VPS13A: variants seen among roughly 807,000 people sequenced by gnomAD.
VPS13A encodes vacuolar protein sorting 13 homolog A.
A neutral mutation model predicts 390.9 loss-of-function variants in VPS13A; 264 were observed. The observed-to-expected ratio is 0.68, with a 90% confidence interval of 0.61 to 0.75. The LOEUF is 0.75. Ranked by LOEUF, VPS13A falls within the 30% of genes least tolerant of loss-of-function variation. The pLI, the probability that VPS13A is intolerant of heterozygous loss-of-function variation, is 0.00. For synonymous variants in VPS13A, 1,231 were observed against 1,227.1 expected (o/e 1.00, Z -0.07); for missense variants, 3,409 against 3,733.9 (o/e 0.91, Z 2.27).
chr9:77,371,907 T>C (rs1487447553), intron 67 of VPS13A, among the ~76,000 whole-genome samples: 1 of 141,944 alleles, frequency 7.0e-6, no homozygotes, highest in African/African-American at 2.6e-5. Flanking sequence ...CGGTGTTTGG[T>C]TTTTTGTTCT....
rs142355096 is a variant in VPS13A at position 77,342,056 on chromosome 9, T to C, written c.7026+1506T>C. ...AAGAGCCAGGGGTGGTCTCTAATTTTATGTAAGGTAGTTAGGATGGGACTC... is the reference window on the plus strand; with the variant it reads ...AAGAGCCAGGGGTGGTCTCTAATTTCATGTAAGGTAGTTAGGATGGGACTC... On this transcript the variant is annotated intron_variant, in intron 50 of 71. Transcript: ENST00000360280. Among the ~76,000 whole-genome samples, 875 of 152,192 alleles carry C rather than the reference T, an allele frequency of 5.7e-3. 12 individuals carry two copies. Among genetic ancestry groups the C allele is most frequent in the African/African-American group, 0.02 (845 of 41,528 alleles).
chr9:77,292,752 A>G (rs1827752741), intron 31 of VPS13A, among the ~76,000 whole-genome samples: 1 of 152,196 alleles, frequency 6.6e-6, no homozygotes. Flanking sequence ...TTAACATTTT[A>G]CATCTCCTGT....
At chr9:77,181,256 C>T (rs1036220386) in intron 1 of VPS13A, among the ~76,000 whole-genome samples, 1 of 152,002 alleles carries the variant, frequency 6.6e-6, no homozygotes, top group South Asian at 2.1e-4. Context: ...GGCATAGTGG[C>T]TCATGCCTGT....
At chr9:77,258,499 C>T (rs961547487) in intron 22 of VPS13A, among the ~76,000 whole-genome samples, 2 of 152,144 alleles carry the variant, frequency 1.3e-5, no homozygotes, top group African/African-American at 2.4e-5. Flanking sequence ...GGCCCTAAAT[C>T]TTACTCTCCT....
In VPS13A at chr9:77,276,090, T is replaced by C. The variant is rs78048112; in HGVS notation, c.2693T>C (p.Val898Ala). 0.027 allele frequency: 42,874 copies of C among 1,612,970 alleles called. 704 individuals are homozygous for C. The highest frequency in any genetic ancestry group is 0.031 in the Non-Finnish European group (36,308 of 1,179,732). The change falls in exon 26 of 72, where the codon GTT becomes GCT. Residue 898 changes from valine (V) to alanine (A), a missense_variant. By Grantham distance (64) the Val-to-Ala change is moderately conservative. Around this residue, in one of 5 missense-constraint regions of VPS13A, gnomAD observed 2,717 missense variants for 2,917.4 expected, o/e 0.93. Transcript: ENST00000360280. ...PKVLIEFYHLVGDCELSVVEI... is the reference protein window; with the variant it reads ...PKVLIEFYHLAGDCELSVVEI... The stretch of plus-strand genomic sequence containing the variant: ...GTTTTGATCGAGTTTTATCACCTTG[T>C]TGGAGATTGTGAACTATCTGTGGTA...
Position 77,214,503 on chromosome 9 carries a change from GTATT to G in VPS13A, c.754+121_754+124del, listed in dbSNP as rs1822743599. The G allele has an allele frequency of 4.1e-6, 3 of 734,306 alleles. No homozygotes were observed. In the African/African-American group the frequency reaches 5.4e-5, roughly 13 times the overall value. 45.5% of individuals were successfully genotyped at this position (734,306 alleles called of 1,614,324 possible). Reference sequence around the variant, plus strand: ...TAAATTTCCTTCTATATAGTTAAATGTATTTATAATGTATATACAAAAGCAAATA... The same window carrying G: ...TAAATTTCCTTCTATATAGTTAAATGTATAATGTATATACAAAAGCAAATA... On this transcript the variant is annotated intron_variant, in intron 10 of 71. Coordinates refer to ENST00000360280, the MANE Select transcript of VPS13A (RefSeq NM_033305.3).
At chr9:77,242,020 C>G (rs1420789773) in intron 19 of VPS13A, among the ~76,000 whole-genome samples, 4 of 152,010 alleles carry the variant, frequency 2.6e-5, no homozygotes, top group Non-Finnish European at 5.9e-5. Context: ...CTTCTGTTTC[C>G]TGTGTTCTGA....
intron 71 of VPS13A, among the ~76,000 whole-genome samples, chr9:77,413,400 C>T (rs552895283): frequency 3.9e-5 from 6 of 152,056 alleles, no homozygotes; most frequent in East Asian, 3.9e-4. Context: ...GAGATATAGA[C>T]CAATGGAACA....
chr9:77,357,939 A>G lies in VPS13A; in HGVS notation c.7953+101A>G, dbSNP rs147118841. 6.7e-4 allele frequency: 591 copies of G among 883,468 alleles called. 2 individuals are homozygous for G. In the African/African-American group the frequency reaches 7.1e-3, roughly 11 times the overall value. The allele number at this position is 883,468 out of a possible 1,614,324, so 54.7% of individuals were successfully genotyped here. A position where few individuals can be genotyped will look rare whatever the true frequency, so the allele number is the denominator to read the frequency against. On this transcript the variant is annotated intron_variant, in intron 56 of 71. Coordinates refer to ENST00000360280, the MANE Select transcript of VPS13A (RefSeq NM_033305.3). ...CTGCTTTATCTAGTATTCAGTTTCA[A>G]TGTTGTGCTAGCCTTTTTTTTTTTT...
intron 46 of VPS13A, 117 bp from the exon 47 acceptor site, chr9:77,337,138 A>T (rs1467353430): frequency 9.3e-7 from 1 of 1,078,688 alleles, no homozygotes; most frequent in East Asian, 2.6e-5. Context: ...ATGAAAATAT[A>T]AAAATGTACT....
At chr9:77,235,232 T>G (rs1160954064) in intron 17 of VPS13A, among the ~76,000 whole-genome samples, 1 of 152,218 alleles carries the variant, frequency 6.6e-6, no homozygotes, top group Non-Finnish European at 1.5e-5. Flanking sequence ...AGGGCAGGTC[T>G]ACTAATGACA....
rs547660683 is a variant in VPS13A at position 77,376,609 on chromosome 9, G to A, written c.9078-5367G>A. ...TTTATGTGTAGTACTGGAAGGGTGAGGTTGTCGTTCTTTTTAGGGAAAGGG... is the reference window on the plus strand; with the variant it reads ...TTTATGTGTAGTACTGGAAGGGTGAAGTTGTCGTTCTTTTTAGGGAAAGGG... On this transcript the variant is annotated intron_variant, in intron 67 of 71. Coordinates refer to ENST00000360280, the MANE Select transcript of VPS13A (RefSeq NM_033305.3). 1.3e-4 allele frequency among the ~76,000 whole-genome samples: 20 copies of A among 152,294 alleles called. 1 individual carries two copies. The highest frequency in any genetic ancestry group is 4.1e-4 in the African/African-American group (17 of 41,580).
chr9:77,260,013 C>T (rs1825666078), intron 22 of VPS13A, 73 bp from the exon 23 acceptor site: 1 of 985,578 alleles, frequency 1.0e-6, no homozygotes, highest in Non-Finnish European at 1.5e-6. Flanking sequence ...AATTTGAGAA[C>T]AGTCTTTTTA....
intron 68 of VPS13A, among the ~76,000 whole-genome samples, chr9:77,399,476 A>C (rs970868353): frequency 6.6e-6 from 1 of 152,158 alleles, no homozygotes; most frequent in Non-Finnish European, 1.5e-5. Flanking sequence ...CAAACTTAGC[A>C]TAATATGGAA....
chr9:77,209,350 T>C, intron 5 of VPS13A, 73 bp from the exon 6 acceptor site: 1 of 1,045,126 alleles, frequency 9.6e-7, no homozygotes, highest in Non-Finnish European at 1.5e-6. Context: ...CGTAAGCATG[T>C]TACTTCAGTA....
At position 77,210,662 on chromosome 9, in the gene VPS13A, A is replaced by G. The variant is rs1455181596; in HGVS notation, c.542A>G (p.Asn181Ser). 5.6e-6 allele frequency: 9 copies of G among 1,613,836 alleles called. No homozygotes were observed. The highest frequency in any genetic ancestry group is 1.7e-5 in the Admixed American group (1 of 60,014). The change falls in exon 7 of 72, where the codon AAT (asparagine) becomes AGT (serine). Residue 181 changes from asparagine to serine, a missense_variant. Asn to Ser is a conservative substitution (Grantham distance 46). Coordinates refer to ENST00000360280, the MANE Select transcript of VPS13A (RefSeq NM_033305.3). ...KPLSFGISLQ[N>S]LSMQTTDQYW... ...CTGTCATTTGGTATTTCCCTTCAAA[A>G]TCTGAGCATGCAGGTATTTTGTTTA...
At chr9:77,343,412 G>A (rs1186432213) in intron 50 of VPS13A, among the ~76,000 whole-genome samples, 1 of 152,156 alleles carries the variant, frequency 6.6e-6, no homozygotes, top group African/African-American at 2.4e-5. Flanking sequence ...TGATGATCAG[G>A]TATCACACAT....
At chr9:77,267,301 T>G (rs1170098265) in intron 23 of VPS13A, among the ~76,000 whole-genome samples, 2 of 152,182 alleles carry the variant, frequency 1.3e-5, no homozygotes, top group African/African-American at 4.8e-5. Flanking sequence ...CTTTGTGGAT[T>G]TATCTACCTT....
At chr9:77,252,809 A>G (rs1203089345) in intron 22 of VPS13A, among the ~76,000 whole-genome samples, 1 of 152,232 alleles carries the variant, frequency 6.6e-6, no homozygotes, top group East Asian at 1.9e-4. Flanking sequence ...ATGTTGGAGC[A>G]TATGTCAGAA....
Sources: allele counts gnomAD v4.1 joint callset (sites outside exome capture counted in the v4.1 genomes callset), GRCh38; gene constraint gnomAD v4.1.1; regional missense constraint gnomAD v4.1.1; transcripts MANE v1.5; gene names NCBI Gene and HGNC (gene_info 2026-07-23, HGNC 2026-07-21).